The following CDH20 variants were observed in gnomAD, a reference collection of about 807,000 sequenced individuals.
CDH20 encodes cadherin 20.
In CDH20, 29 loss-of-function variants were observed where a neutral mutation model predicts 74.2. That is an observed-to-expected ratio of 0.39 (90% CI 0.29 to 0.53). The LOEUF is 0.53. CDH20 is among the 20% of genes least tolerant of loss of function. The pLI, the probability that CDH20 is intolerant of heterozygous loss-of-function variation, is 0.69. For synonymous variants in CDH20, 469 were observed against 405.4 expected (o/e 1.16, Z -1.88); for missense variants, 988 against 1,048.3 (o/e 0.94, Z 0.79).
At position 61,497,153 on chromosome 18, in the gene CDH20, G is replaced by A. The variant is rs574462993; in HGVS notation, c.247-2033G>A. ...AAGAAAATACTGTATACGAAATGAG[G>A]AAATGTGAGAACTTCACATTCTAAA... On this transcript the variant is annotated intron_variant, in intron 2 of 11. Transcript: ENST00000262717. 4.7e-5 allele frequency among the ~76,000 whole-genome samples: 7 copies of A among 150,248 alleles called. No homozygotes were observed. The South Asian group carries it at 1.3e-3, about 27-fold the overall frequency.
Position 61,554,890 on chromosome 18 carries a change from A to T in CDH20, c.*195A>T. The T allele has an allele frequency of 7.2e-7, 1 of 1,396,214 alleles. No homozygotes were observed. Among genetic ancestry groups the T allele is most frequent in the Non-Finnish European group, 9.3e-7 (1 of 1,077,498 alleles). The allele number at this position is 1,396,214 out of a possible 1,614,324, so 86.5% of individuals were successfully genotyped here. A position where few individuals can be genotyped will look rare whatever the true frequency, so the allele number is the denominator to read the frequency against. Reference sequence around the variant, plus strand: ...ATAAGCAAAAGGAAACCCAGAAGGAAGAGGGCAGAATCTTTAATTACCTTT... The same window carrying T: ...ATAAGCAAAAGGAAACCCAGAAGGATGAGGGCAGAATCTTTAATTACCTTT... On this transcript the variant is annotated 3_prime_UTR_variant, in exon 12 of 12. Coordinates refer to ENST00000262717, the MANE Select transcript of CDH20 (RefSeq NM_031891.4).
At chr18:61,381,886 C>T (rs1911444118) in intron 1 of CDH20, among the ~76,000 whole-genome samples, 1 of 152,202 alleles carries the variant, frequency 6.6e-6, no homozygotes. Flanking sequence ...TTATATTCCG[C>T]ATCTCAACAC....
intron 8 of CDH20, among the ~76,000 whole-genome samples, chr18:61,537,867 T>C (rs1029424816): frequency 5.3e-5 from 8 of 152,198 alleles, no homozygotes; most frequent in Non-Finnish European, 1.0e-4. Context: ...AAGAAAAATA[T>C]GATTCAGAAG....
At chr18:61,488,472 G>A (rs1910844956) in intron 1 of CDH20, among the ~76,000 whole-genome samples, 1 of 152,156 alleles carries the variant, frequency 6.6e-6, no homozygotes. Context: ...TTGCCTGCAT[G>A]ATCCCATCAG....
At chr18:61,489,781 C>T (rs1005720182) in intron 1 of CDH20, among the ~76,000 whole-genome samples, 2 of 152,002 alleles carry the variant, frequency 1.3e-5, no homozygotes, top group Non-Finnish European at 2.9e-5. Flanking sequence ...ATCAGTGCTT[C>T]GGAGCCAAAA....
intron 1 of CDH20, among the ~76,000 whole-genome samples, chr18:61,485,728 G>A (rs530224690): frequency 2.7e-4 from 41 of 152,230 alleles, no homozygotes; most frequent in South Asian, 2.1e-3. Flanking sequence ...ACAGCTCAAT[G>A]TCATAGTGCT....
At chr18:61,458,457 G>A (rs1002931219) in intron 1 of CDH20, among the ~76,000 whole-genome samples, 4 of 152,124 alleles carry the variant, frequency 2.6e-5, no homozygotes, top group Non-Finnish European at 4.4e-5. Context: ...CTTCCCACAC[G>A]AGACCACCAC....
At chr18:61,553,864 C>T (rs1166339711) in intron 11 of CDH20, among the ~76,000 whole-genome samples, 1 of 152,122 alleles carries the variant, frequency 6.6e-6, no homozygotes, top group Non-Finnish European at 1.5e-5. Context: ...GGCCTTTGTG[C>T]TTTGTTAGTG....
intron 1 of CDH20, among the ~76,000 whole-genome samples, chr18:61,430,557 T>A (rs1913221155): frequency 6.6e-6 from 1 of 152,190 alleles, no homozygotes; most frequent in South Asian, 2.1e-4. Flanking sequence ...ATGCTCCACA[T>A]CTCTGAAAGC....
rs536171624 is a variant in CDH20 at position 61,514,801 on chromosome 18, T to C, written c.1017+7241T>C. Among the ~76,000 whole-genome samples the C allele has an allele frequency of 4.8e-3, 725 of 152,140 alleles. 5 individuals are homozygous for C. Among genetic ancestry groups the C allele is most frequent in the African/African-American group, 0.016 (677 of 41,464 alleles). ...GCCTCTGCTGGGGGGTGCCTCCCAG[T>C]TAGGCTGCTTGGGGGTCAGGGGTCA... On this transcript the variant is annotated intron_variant, in intron 6 of 11. Coordinates refer to ENST00000262717, the MANE Select transcript of CDH20 (RefSeq NM_031891.4).
chr18:61,390,678 T>A (rs1430507703), intron 1 of CDH20, among the ~76,000 whole-genome samples: 1 of 152,108 alleles, frequency 6.6e-6, no homozygotes, highest in Non-Finnish European at 1.5e-5. Context: ...AGCTCAAATG[T>A]ATTTGGGGAT....
In CDH20 at chr18:61,550,140, T is replaced by A. The variant is rs375947679; in HGVS notation, c.1811T>A (p.Met604Lys). ...AGCTGTGATGACGACGGCCACGTCATGTCCTGCAGCCCAGAGGCCTACATG... is the reference window on the plus strand; with the variant it reads ...AGCTGTGATGACGACGGCCACGTCAAGTCCTGCAGCCCAGAGGCCTACATG... The part of the protein sequence containing the change: ...VCSCDDDGHV[M>K]SCSPEAYMLP... Residue 604 changes from methionine (M) to lysine (K), a missense_variant, in exon 11 of 12, where the codon ATG (methionine) becomes AAG (lysine). By Grantham distance (95) the Met-to-Lys change is moderately conservative. Coordinates refer to ENST00000262717, the MANE Select transcript of CDH20 (RefSeq NM_031891.4). The A allele has an allele frequency of 3.7e-6, 6 of 1,614,112 alleles. No homozygotes were observed. In the African/African-American group the frequency reaches 8.0e-5, roughly 22 times the overall value.
chr18:61,434,565 C>G (rs774088494), intron 1 of CDH20, among the ~76,000 whole-genome samples: 1 of 152,096 alleles, frequency 6.6e-6, no homozygotes, highest in South Asian at 2.1e-4. Context: ...AGAGGCCTCA[C>G]AGCTGACAGG....
intron 1 of CDH20, among the ~76,000 whole-genome samples, chr18:61,415,603 T>A (rs1380788848): frequency 6.6e-6 from 1 of 152,216 alleles, no homozygotes; most frequent in Non-Finnish European, 1.5e-5. Flanking sequence ...AAACTCATAA[T>A]CTCAAATTTT....
At chr18:61,352,188 T>C (rs1431578745) in intron 1 of CDH20, among the ~76,000 whole-genome samples, 2 of 152,342 alleles carry the variant, frequency 1.3e-5, no homozygotes, top group East Asian at 1.9e-4. Context: ...AATAACTGGA[T>C]AAACAGGCCT....
At chr18:61,418,912 A>G (rs1007806332) in intron 1 of CDH20, among the ~76,000 whole-genome samples, 3 of 152,190 alleles carry the variant, frequency 2.0e-5, no homozygotes, top group Non-Finnish European at 4.4e-5. Context: ...TCCATAAACC[A>G]TAATACATAT....
chr18:61,547,106 G>C (rs1370273423), intron 10 of CDH20, among the ~76,000 whole-genome samples: 2 of 152,104 alleles, frequency 1.3e-5, no homozygotes, highest in South Asian at 2.1e-4. Context: ...GGACAGGAGG[G>C]TCACCTGAGG....
rs567365726 is a variant in CDH20 at position 61,340,426 on chromosome 18, G to A, written c.-153+6599G>A. 3.9e-5 allele frequency among the ~76,000 whole-genome samples: 6 copies of A among 152,042 alleles called. No homozygotes were observed. The South Asian group carries it at 1.2e-3, about 32-fold the overall frequency. ...ACTAGGATTAGAGTTAAGGTTGTGG[G>A]CAAAATAGCATGGAAAGAGGTACAG... On this transcript the variant is annotated intron_variant, in intron 1 of 11. Transcript: ENST00000262717.
intron 1 of CDH20, among the ~76,000 whole-genome samples, chr18:61,418,410 C>T (rs1032747509): frequency 6.6e-6 from 1 of 151,738 alleles, no homozygotes. Flanking sequence ...AAAAATTAGC[C>T]GGGCGAGGTC....
Sources: gnomAD v4.1 joint callset for allele counts (sites outside exome capture counted in the v4.1 genomes callset) on GRCh38, gnomAD v4.1.1 for gene constraint, MANE v1.5 for transcripts, NCBI Gene and HGNC (gene_info 2026-07-23, HGNC 2026-07-21) for gene names.